The following SEL1L2 variants were observed in gnomAD, a reference collection of about 807,000 sequenced individuals.
The protein encoded by SEL1L2 is SEL1L2 adaptor subunit of SYVN1 ubiquitin ligase.
In SEL1L2, 89 loss-of-function variants were observed where a neutral mutation model predicts 98.8. The ratio of observed to expected loss-of-function variants is 0.90; its 90% CI spans 0.76 to 1.07. SEL1L2 has a LOEUF of 1.07. SEL1L2 is among the 50% of genes least tolerant of loss of function. The probability of loss-of-function intolerance (pLI) is 0.00; values close to 1 mark genes in which losing one functional copy is unlikely to be tolerated. For synonymous variants in SEL1L2, 262 were observed against 278.5 expected, an observed-to-expected ratio of 0.94 and a Z score of 0.59; for missense variants, 788 against 812.0, an observed-to-expected ratio of 0.97 and a Z score of 0.36.
At chr20:13,856,146 TG>T (rs1259219114) in intron 18 of SEL1L2, among the ~76,000 whole-genome samples, 22 of 149,004 alleles carry the variant, frequency 1.5e-4, no homozygotes, top group Admixed American at 4.1e-4. Flanking sequence ...CTTTGTTTTT[TG>T]GGGTTTTTTT....
chr20:13,861,483 A>G (rs1008746768), intron 17 of SEL1L2, among the ~76,000 whole-genome samples: 4 of 151,844 alleles, frequency 2.6e-5, no homozygotes, highest in African/African-American at 4.8e-5. Context: ...TATGTTATAT[A>G]TAGTATATAT....
intron 1 of SEL1L2, among the ~76,000 whole-genome samples, chr20:13,982,510 A>C (rs1477593207): frequency 8.6e-5 from 4 of 46,594 alleles, no homozygotes; most frequent in Admixed American, 2.8e-4. Flanking sequence ...GACTCTGCCA[A>C]AAAAAAAAAA....
intron 12 of SEL1L2, among the ~76,000 whole-genome samples, chr20:13,872,349 T>C (rs1223663521): frequency 2.6e-5 from 4 of 152,184 alleles, no homozygotes; most frequent in Non-Finnish European, 5.9e-5. Context: ...ACCCCCGTGC[T>C]GCTGTTCCTG....
intron 5 of SEL1L2, among the ~76,000 whole-genome samples, chr20:13,896,608 C>G (rs967545948): frequency 2.7e-5 from 4 of 149,610 alleles, no homozygotes; most frequent in African/African-American, 7.4e-5. Flanking sequence ...ATACTAGCAA[C>G]GAATAATTAA....
rs183773115 is a variant in SEL1L2 at position 13,960,366 on chromosome 20, C to T, written c.59-4235G>A. On this transcript the variant is annotated intron_variant, in intron 1 of 19. Coordinates refer to ENST00000284951, the MANE Select transcript of SEL1L2 (RefSeq NM_025229.2). Reference sequence around the variant, plus strand: ...AAATTACAGGGCTAAAAGCAGTCATCGAAAGTAGGATAAGTGTAGATAAAA... The same window carrying T: ...AAATTACAGGGCTAAAAGCAGTCATTGAAAGTAGGATAAGTGTAGATAAAA... Among the ~76,000 whole-genome samples, 7 of 152,002 alleles carry T rather than the reference C, an allele frequency of 4.6e-5. No individual in the cohort carries two copies. In the East Asian group the frequency reaches 9.7e-4, roughly 21 times the overall value.
intron 18 of SEL1L2, 112 bp downstream of exon 18, chr20:13,859,150 C>G: frequency 2.1e-6 from 2 of 975,448 alleles, no homozygotes; most frequent in Admixed American, 2.2e-5. Flanking sequence ...ATGTTAAGTC[C>G]TCTCCTTCCT....
At position 13,931,725 on chromosome 20, in the gene SEL1L2, T is replaced by C. The variant is rs777227453; in HGVS notation, c.161A>G (p.Gln54Arg). 3 of 1,565,336 alleles carry C rather than the reference T, an allele frequency of 1.9e-6. No homozygotes were observed. The African/African-American group carries it at 4.1e-5, about 22-fold the overall frequency. The change falls in exon 3 of 20, where the codon CAA becomes CGA. Residue 54 changes from glutamine (Q) to arginine (R), a missense_variant. By Grantham distance (43) the Gln-to-Arg change is conservative (BLOSUM62 1). Coordinates refer to ENST00000284951, the MANE Select transcript of SEL1L2 (RefSeq NM_025229.2). ...ATTGATTACATTACTAGATGTTCTT[T>C]GTTCCAATATGTGTGATAAATATTG... ...IKQYLSHILE[Q>R]RTSSNVINKR...
intron 10 of SEL1L2, among the ~76,000 whole-genome samples, chr20:13,878,507 G>A (rs561080391): frequency 2.0e-5 from 3 of 152,264 alleles, no homozygotes; most frequent in South Asian, 4.2e-4. Context: ...GTTAGGATAC[G>A]ACCTTTCTGC....
At chr20:13,994,478 G>A (rs1296532739), upstream of SEL1L2, among the ~76,000 whole-genome samples, 1 of 151,112 alleles carries the variant, frequency 6.6e-6, no homozygotes, top group Non-Finnish European at 1.5e-5. Context: ...ATAATTATTT[G>A]CCCAATATAT....
intron 2 of SEL1L2, among the ~76,000 whole-genome samples, chr20:13,948,876 A>G (rs1359597151): frequency 6.6e-6 from 1 of 152,244 alleles, no homozygotes; most frequent in African/African-American, 2.4e-5. Context: ...CCGAGGGTTT[A>G]TATAGCAGAG....
chr20:13,870,813 C>T (rs370142412), intron 12 of SEL1L2, among the ~76,000 whole-genome samples: 1 of 149,490 alleles, frequency 6.7e-6, no homozygotes, highest in African/African-American at 2.5e-5. Flanking sequence ...ATCCCAGCTA[C>T]TTGGGAAGCT....
At chr20:13,954,820 C>T (rs1055012820) in intron 2 of SEL1L2, among the ~76,000 whole-genome samples, 3 of 152,126 alleles carry the variant, frequency 2.0e-5, no homozygotes, top group African/African-American at 7.2e-5. Context: ...AGCAAGATGA[C>T]CTGAAGAAAT....
At chr20:13,898,239 C>T (rs6105185) in intron 5 of SEL1L2, among the ~76,000 whole-genome samples, 2 of 152,112 alleles carry the variant, frequency 1.3e-5, no homozygotes, top group Admixed American at 1.3e-4. Flanking sequence ...AAGAGCAGTC[C>T]TAACCCCTGT....
chr20:13,921,293 C>G (rs2048657332), intron 3 of SEL1L2, among the ~76,000 whole-genome samples: 1 of 152,202 alleles, frequency 6.6e-6, no homozygotes, highest in South Asian at 2.1e-4. Context: ...ATGCCTCAGC[C>G]TCCGAGTAGC....
chr20:13,928,120 T>G (rs2048976557), intron 3 of SEL1L2: 1 of 152,248 alleles, frequency 6.6e-6, no homozygotes, highest in African/African-American at 2.4e-5. Flanking sequence ...CCCCCAACTT[T>G]GAAGTTTCAC....
At chr20:13,898,838 G>A (rs903762198) in intron 5 of SEL1L2, among the ~76,000 whole-genome samples, 9 of 152,178 alleles carry the variant, frequency 5.9e-5, no homozygotes, top group Admixed American at 1.3e-4. Flanking sequence ...CGCCTCCCGG[G>A]TTCAAGAGAT....
rs772971634 is a variant in SEL1L2 at position 13,915,240 on chromosome 20, T to A, written c.387-1296A>T. 3.1e-6 allele frequency: 4 copies of A among 1,289,062 alleles called. No homozygotes were observed. The South Asian group carries it at 4.9e-5, about 16-fold the overall frequency. 79.9% of individuals were successfully genotyped at this position (1,289,062 alleles called of 1,614,324 possible). On this transcript the variant is annotated intron_variant, in intron 4 of 19. Coordinates refer to ENST00000284951, the MANE Select transcript of SEL1L2 (RefSeq NM_025229.2). Reference sequence around the variant, plus strand: ...AGAAACATCCAGGTAGGCATTAGAATCCTGGATGTCAAAACACAGGGTGAG... The same window carrying A: ...AGAAACATCCAGGTAGGCATTAGAAACCTGGATGTCAAAACACAGGGTGAG...
chr20:13,859,234 AG>A (rs1989675648), intron 18 of SEL1L2, 27 bp downstream of exon 18: 1 of 1,592,850 alleles, frequency 6.3e-7, no homozygotes, highest in Admixed American at 1.7e-5. Context: ...TGTCATTACT[AG>A]GTTTGAATTA....
intron 5 of SEL1L2, among the ~76,000 whole-genome samples, chr20:13,896,515 C>G (rs6105182): frequency 6.7e-6 from 1 of 148,360 alleles, no homozygotes; most frequent in Non-Finnish European, 1.5e-5. Flanking sequence ...CTCCCCCCCC[C>G]CCCACACACA....
Sources: gnomAD v4.1 joint callset for allele counts (sites outside exome capture counted in the v4.1 genomes callset) on GRCh38, gnomAD v4.1.1 for gene constraint, MANE v1.5 for transcripts, NCBI Gene and HGNC (gene_info 2026-07-23, HGNC 2026-07-21) for gene names.